GALNTL6: variants seen among roughly 807,000 people sequenced by gnomAD.
GALNTL6 encodes the protein polypeptide N-acetylgalactosaminyltransferase like 6, also known as polypeptide N-acetylgalactosaminyltransferase-like 6.
GALNTL6 carries 46 observed loss-of-function variants against 73.7 expected under a neutral mutation model. That is an observed-to-expected ratio of 0.62 (90% CI 0.49 to 0.80). The LOEUF is 0.80. GALNTL6 is among the 30% of genes least tolerant of loss of function. The pLI is 0.00. For synonymous variants in GALNTL6, 259 were observed against 263.7 expected (o/e 0.98, Z 0.17); for missense variants, 604 against 755.0 (o/e 0.80, Z 2.34).
At chr4:172,483,482 G>C (rs975860535) in intron 5 of GALNTL6, among the ~76,000 whole-genome samples, 1 of 152,144 alleles carries the variant, frequency 6.6e-6, no homozygotes, top group African/African-American at 2.4e-5. Context: ...ATGAGTCTTT[G>C]TAGTGGCCTT....
At chr4:172,631,206 A>T (rs984345969) in intron 5 of GALNTL6, among the ~76,000 whole-genome samples, 14 of 151,544 alleles carry the variant, frequency 9.2e-5, no homozygotes, top group African/African-American at 3.4e-4. Context: ...CAGTGGCATG[A>T]TCTCGGCTCA....
intron 2 of GALNTL6, among the ~76,000 whole-genome samples, chr4:171,959,493 A>G (rs1739152301): frequency 1.3e-5 from 2 of 152,168 alleles, no homozygotes; most frequent in African/African-American, 4.8e-5. Flanking sequence ...AGTGAATATA[A>G]CTTCTCTGCA....
Position 172,449,647 on chromosome 4 carries a change from C to A in GALNTL6, c.553+100958C>A, listed in dbSNP as rs192637681. ...ACAACACTGGCCGTTCTTTCTTAGT[C>A]TTTTTTCTGTACTTCTCTCCTATCA... On this transcript the variant is annotated intron_variant, in intron 5 of 12. Transcript: ENST00000506823. Among the ~76,000 whole-genome samples, 342 of 152,274 alleles carry A rather than the reference C, an allele frequency of 2.2e-3. 2 individuals are homozygous for A. The highest frequency in any genetic ancestry group is 7.8e-3 in the African/African-American group (324 of 41,562).
At chr4:172,130,751 T>A (rs1733466114) in intron 2 of GALNTL6, among the ~76,000 whole-genome samples, 1 of 152,194 alleles carries the variant, frequency 6.6e-6, no homozygotes, top group Middle Eastern at 3.4e-3. Context: ...GAACAGAAAT[T>A]GAAAATATGA....
intron 9 of GALNTL6, among the ~76,000 whole-genome samples, chr4:172,949,894 G>A (rs867520440): frequency 2.0e-5 from 3 of 147,412 alleles, no homozygotes; most frequent in South Asian, 2.1e-4. Flanking sequence ...GGGCAACACA[G>A]TGAGACTCTG....
In GALNTL6 at chr4:172,435,439, C is replaced by G. The variant is rs1167981770; in HGVS notation, c.553+86750C>G. ...GAAAACCCAGATCGAATTTTTCAACCCTTGCAGTCCTGAAATAGGATCTGT... is the reference window on the plus strand; with the variant it reads ...GAAAACCCAGATCGAATTTTTCAACGCTTGCAGTCCTGAAATAGGATCTGT... On this transcript the variant is annotated intron_variant, in intron 5 of 12. Coordinates refer to ENST00000506823, the MANE Select transcript of GALNTL6 (RefSeq NM_001034845.3). 6.6e-5 allele frequency among the ~76,000 whole-genome samples: 10 copies of G among 152,212 alleles called. No individual in the cohort carries two copies. The South Asian group carries it at 1.2e-3, about 19-fold the overall frequency.
At chr4:171,888,263 T>TA (rs911704263) in intron 2 of GALNTL6, among the ~76,000 whole-genome samples, 3 of 151,502 alleles carry the variant, frequency 2.0e-5, no homozygotes, top group Admixed American at 6.6e-5. Context: ...GCTTCAATGT[T>TA]AAAAAAAGCA....
At chr4:173,035,180 CTTT>C (rs5864181) in intron 12 of GALNTL6, among the ~76,000 whole-genome samples, 20 of 136,604 alleles carry the variant, frequency 1.5e-4, no homozygotes, top group Non-Finnish European at 2.0e-4. Context: ...GTGCCATGCT[CTTT>C]TTTTTTTTTT....
At chr4:172,744,855 G>A (rs1430805106) in intron 5 of GALNTL6, among the ~76,000 whole-genome samples, 1 of 151,494 alleles carries the variant, frequency 6.6e-6, no homozygotes, top group African/African-American at 2.4e-5. Context: ...GTGTGTGTGT[G>A]TGTGTGTGTG....
chr4:172,306,970 T>C (rs558291762), intron 3 of GALNTL6, among the ~76,000 whole-genome samples: 87 of 152,294 alleles, frequency 5.7e-4, no homozygotes, highest in Non-Finnish European at 1.1e-3. Flanking sequence ...TCCTTCTGAG[T>C]GGATACCCAG....
At chr4:171,870,510 A>G (rs1411458320) in intron 2 of GALNTL6, among the ~76,000 whole-genome samples, 1 of 152,008 alleles carries the variant, frequency 6.6e-6, no homozygotes, top group East Asian at 1.9e-4. Context: ...CTAAATCTTA[A>G]CCATTGATAT....
chr4:171,903,183 C>T (rs1030063592), intron 2 of GALNTL6, among the ~76,000 whole-genome samples: 5 of 152,112 alleles, frequency 3.3e-5, no homozygotes, highest in Non-Finnish European at 7.4e-5. Flanking sequence ...CAGCTCCCAG[C>T]GTGAGCGACA....
At chr4:172,124,390 G>A (rs1295103963) in intron 2 of GALNTL6, among the ~76,000 whole-genome samples, 1 of 152,110 alleles carries the variant, frequency 6.6e-6, no homozygotes, top group Non-Finnish European at 1.5e-5. Flanking sequence ...AGGTCAAAAA[G>A]ACTTAGAATT....
intron 1 of GALNTL6, 23 bp from the exon 2 acceptor site, chr4:171,814,389 G>C (rs1003751059): frequency 4.8e-5 from 29 of 606,858 alleles, no homozygotes; most frequent in Admixed American, 8.9e-5. Context: ...TGGGGGGAAA[G>C]TAACTGTGCG....
chr4:172,315,312 G>GCAA (rs1159516322), intron 4 of GALNTL6, among the ~76,000 whole-genome samples: 1 of 152,084 alleles, frequency 6.6e-6, no homozygotes, highest in East Asian at 1.9e-4. Context: ...TGCCCACGCT[G>GCAA]GAATGCAATG....
chr4:172,887,963 A>T (rs1201494056), intron 8 of GALNTL6, among the ~76,000 whole-genome samples: 1 of 152,236 alleles, frequency 6.6e-6, no homozygotes, highest in Non-Finnish European at 1.5e-5. Flanking sequence ...GATGTTGAGC[A>T]TGTATCAATA....
At chr4:172,443,676 C>T (rs1238228922) in intron 5 of GALNTL6, among the ~76,000 whole-genome samples, 1 of 152,128 alleles carries the variant, frequency 6.6e-6, no homozygotes, top group Non-Finnish European at 1.5e-5. Context: ...TTTTACTTTA[C>T]TACTTATGTG....
chr4:172,171,189 AC>A (rs1198331970), intron 2 of GALNTL6, among the ~76,000 whole-genome samples: 1 of 152,160 alleles, frequency 6.6e-6, no homozygotes, highest in Non-Finnish European at 1.5e-5. Context: ...CAGAGTTATA[AC>A]CTCACGGAAG....
intron 2 of GALNTL6, among the ~76,000 whole-genome samples, chr4:172,061,559 A>T (rs1442946449): frequency 6.6e-6 from 1 of 152,204 alleles, no homozygotes; most frequent in Non-Finnish European, 1.5e-5. Flanking sequence ...GAAAATCTTG[A>T]TAAAAGACTT....
Sources: gnomAD v4.1 joint callset for allele counts (sites outside exome capture counted in the v4.1 genomes callset) on GRCh38, gnomAD v4.1.1 for gene constraint, MANE v1.5 for transcripts, NCBI Gene and HGNC (gene_info 2026-07-23, HGNC 2026-07-21) for gene names.